Variants in PRDM5 observed in about 807,000 individuals in gnomAD.
PRDM5 encodes PR domain zinc finger protein 5.
Under a neutral mutation model 81.2 loss-of-function variants are expected in PRDM5, and 56 were observed. The observed-to-expected ratio is 0.69, with a 90% CI of 0.56 to 0.86. The LOEUF is 0.86. Ranked by LOEUF, PRDM5 falls within the 40% of genes least tolerant of loss-of-function variation. The pLI is 0.00. For synonymous variants in PRDM5, 267 were observed against 256.4 expected (o/e 1.04, Z -0.39); for missense variants, 697 against 770.1 (o/e 0.91, Z 1.12).
chr4:120,829,542 G>T (rs1405882335), intron 3 of PRDM5, among the ~76,000 whole-genome samples: 1 of 152,050 alleles, frequency 6.6e-6, no homozygotes, highest in Non-Finnish European at 1.5e-5. Context: ...TGTTTCACAA[G>T]GAAATACTAG....
At chr4:120,699,161 A>AATATAAATATAT (rs1286927101) in intron 15 of PRDM5, among the ~76,000 whole-genome samples, 52 of 73,462 alleles carry the variant, frequency 7.1e-4, no homozygotes, top group East Asian at 1.3e-3. Flanking sequence ...AGGAAATATA[A>AATATAAATATAT]ATATATATAT....
intron 10 of PRDM5, among the ~76,000 whole-genome samples, chr4:120,794,478 G>C (rs1218680680): frequency 5.4e-5 from 8 of 147,472 alleles, no homozygotes; most frequent in Non-Finnish European, 3.0e-5. Flanking sequence ...AAATTGTTTG[G>C]CTATGACCAA....
At chr4:120,696,675 G>A (rs920487649) in intron 15 of PRDM5, among the ~76,000 whole-genome samples, 7 of 152,154 alleles carry the variant, frequency 4.6e-5, no homozygotes, top group Admixed American at 4.6e-4. Context: ...GGGCTATACT[G>A]CAGACACTCA....
intron 3 of PRDM5, among the ~76,000 whole-genome samples, chr4:120,844,359 A>G (rs1320412751): frequency 6.6e-6 from 1 of 152,138 alleles, no homozygotes; most frequent in African/African-American, 2.4e-5. Flanking sequence ...ATATTTTACA[A>G]ATTGAAGGAC....
At chr4:120,770,578 G>A (rs769186381) in intron 13 of PRDM5, among the ~76,000 whole-genome samples, 9 of 151,500 alleles carry the variant, frequency 5.9e-5, no homozygotes, top group African/African-American at 9.7e-5. Context: ...CAGTTCAATT[G>A]TATGCTTAGG....
At chr4:120,749,191 A>G (rs1743599590) in intron 14 of PRDM5, among the ~76,000 whole-genome samples, 8 of 150,414 alleles carry the variant, frequency 5.3e-5, no homozygotes, top group Admixed American at 5.3e-4. Flanking sequence ...AAACAATCAG[A>G]TGAACTAAAT....
chr4:120,828,684 G>A (rs1756337184), intron 3 of PRDM5, among the ~76,000 whole-genome samples: 1 of 151,832 alleles, frequency 6.6e-6, no homozygotes. Flanking sequence ...TTTTGGTCAA[G>A]CACTGGGCTC....
chr4:120,843,687 A>AG (rs1758315558), intron 3 of PRDM5, among the ~76,000 whole-genome samples: 1 of 144,136 alleles, frequency 6.9e-6, no homozygotes. Flanking sequence ...TCCGGCCTTA[A>AG]AAAAAAAAAA....
chr4:120,688,629 T>C (rs1004575396), downstream of PRDM5, among the ~76,000 whole-genome samples: 1 of 152,174 alleles, frequency 6.6e-6, no homozygotes, highest in Admixed American at 6.5e-5. Flanking sequence ...AGATCTTCAA[T>C]CCATTTTGAG....
intron 2 of PRDM5, among the ~76,000 whole-genome samples, chr4:120,867,781 A>G (rs1761355479): frequency 6.6e-6 from 1 of 152,246 alleles, no homozygotes; most frequent in South Asian, 2.1e-4. Context: ...TTACAAAGTG[A>G]CAAAAACACC....
At chr4:120,858,827 T>C (rs1021358309) in intron 2 of PRDM5, among the ~76,000 whole-genome samples, 12 of 152,122 alleles carry the variant, frequency 7.9e-5, no homozygotes, top group Admixed American at 7.2e-4. Context: ...AAAAATAAAG[T>C]CACTTTTTGT....
At chr4:120,784,017 G>T (rs1328957250) in intron 11 of PRDM5, among the ~76,000 whole-genome samples, 1 of 152,120 alleles carries the variant, frequency 6.6e-6, no homozygotes, top group African/African-American at 2.4e-5. Context: ...CATGTGTATA[G>T]AGGATTTTCT....
intron 14 of PRDM5, among the ~76,000 whole-genome samples, chr4:120,735,792 A>C (rs1465400393): frequency 2.0e-5 from 3 of 152,078 alleles, no homozygotes; most frequent in Admixed American, 1.3e-4. Context: ...GATAACAAAA[A>C]ATTGTCAGCA....
At chr4:120,761,653 GTAACCACCTCAATATTCAACATCT>G (rs1331255034) in intron 13 of PRDM5, among the ~76,000 whole-genome samples, 1 of 152,068 alleles carries the variant, frequency 6.6e-6, no homozygotes, top group Non-Finnish European at 1.5e-5. Flanking sequence ...CTACTACTAT[GTAACCACCTCAATATTCAACATCT>G]TGACACAAAT....
intron 14 of PRDM5, among the ~76,000 whole-genome samples, chr4:120,718,477 A>T (rs1268738701): frequency 2.0e-5 from 3 of 152,230 alleles, no homozygotes; most frequent in African/African-American, 7.2e-5. Flanking sequence ...CTATTTCTAA[A>T]TTTAAAAGAA....
chr4:120,834,543 T>C (rs957813197), intron 3 of PRDM5, among the ~76,000 whole-genome samples: 1 of 152,142 alleles, frequency 6.6e-6, no homozygotes, highest in African/African-American at 2.4e-5. Context: ...CTACCCAGCA[T>C]CATCTATTTT....
intron 13 of PRDM5, among the ~76,000 whole-genome samples, chr4:120,776,059 T>G (rs1459945306): frequency 6.6e-6 from 1 of 152,158 alleles, no homozygotes; most frequent in Admixed American, 6.5e-5. Context: ...GCTTTTCATT[T>G]TGGGGCTCTC....
chr4:120,898,633 G>A (rs1459368058), intron 2 of PRDM5, among the ~76,000 whole-genome samples: 1 of 152,136 alleles, frequency 6.6e-6, no homozygotes, highest in Non-Finnish European at 1.5e-5. Flanking sequence ...ACCCCTTGAA[G>A]CTGTTAAACA....
chr4:120,866,109 T>A (rs941236409), intron 2 of PRDM5, among the ~76,000 whole-genome samples: 1 of 152,246 alleles, frequency 6.6e-6, no homozygotes, highest in African/African-American at 2.4e-5. Flanking sequence ...CAATGCTGTT[T>A]GCCAGAATTC....
Sources: gnomAD v4.1 joint callset for allele counts (sites outside exome capture counted in the v4.1 genomes callset) on GRCh38, gnomAD v4.1.1 for gene constraint, MANE v1.5 for transcripts, NCBI Gene and HGNC (gene_info 2026-07-23, HGNC 2026-07-21) for gene names.